SLC7A14: variants seen among roughly 807,000 people sequenced by gnomAD.
SLC7A14 encodes gamma-aminobutyric acid transporter SLC7A14.
SLC7A14 carries 37 observed loss-of-function variants against 60.2 expected under a neutral mutation model. The observed-to-expected ratio is 0.61, with a 90% CI of 0.47 to 0.81. The LOEUF (loss-of-function observed/expected upper bound fraction) is 0.81. SLC7A14 is among the 30% of genes least tolerant of loss of function. The pLI, the probability that SLC7A14 is intolerant of heterozygous loss-of-function variation, is 0.00. For synonymous variants in SLC7A14, 399 were observed against 395.8 expected (o/e 1.01, Z -0.10); for missense variants, 886 against 982.7 (o/e 0.90, Z 1.32).
chr3:170,526,657 C>T lies in SLC7A14; in HGVS notation c.280G>A (p.Ala94Thr), dbSNP rs1713513530. ...CCTGATAATATGGATGCGACGGCTGCAATGATGAAGGACACAATGACACCA... is the reference window on the plus strand; with the variant it reads ...CCTGATAATATGGATGCGACGGCTGTAATGATGAAGGACACAATGACACCA... ...GPGVIVSFIIAAVASILSGVC... is the reference protein window; with the variant it reads ...GPGVIVSFIITAVASILSGVC... Residue 94 changes from alanine (A) to threonine (T), a missense_variant, in exon 2 of 8, where the codon GCA (alanine) becomes ACA (threonine). Coordinates refer to ENST00000231706, the MANE Select transcript of SLC7A14 (RefSeq NM_020949.3). 1.2e-6 allele frequency: 2 copies of T among 1,614,054 alleles called. No individual in the cohort carries two copies. The highest frequency in any genetic ancestry group is 1.7e-6 in the Non-Finnish European group (2 of 1,180,032).
chr3:170,555,167 C>CAAA lies in SLC7A14; in HGVS notation c.-152-28082_-152-28080dup, dbSNP rs201341261. ...TGGGCAACAGAGCAAGACTTTGTCT[C>CAAA]AAAAAAAATATATATATATATAATA... On this transcript the variant is annotated intron_variant, in intron 1 of 7. Coordinates refer to ENST00000231706, the MANE Select transcript of SLC7A14 (RefSeq NM_020949.3). 7.1e-3 allele frequency among the ~76,000 whole-genome samples: 1,056 copies of CAAA among 147,874 alleles called. 18 individuals carry two copies. The highest frequency in any genetic ancestry group is 0.025 in the African/African-American group (994 of 40,034).
chr3:170,499,758 C>G (rs1480556346), intron 3 of SLC7A14, among the ~76,000 whole-genome samples: 6 of 152,170 alleles, frequency 3.9e-5, no homozygotes, highest in African/African-American at 1.4e-4. Flanking sequence ...CTCCTGCCCT[C>G]TATAGAGTGG....
At chr3:170,505,845 G>A (rs1712763946) in intron 2 of SLC7A14, among the ~76,000 whole-genome samples, 1 of 151,520 alleles carries the variant, frequency 6.6e-6, no homozygotes, top group South Asian at 2.1e-4. Context: ...GTGAGATTAT[G>A]CCACTGCACT....
chr3:170,481,159 C>T lies in SLC7A14; in HGVS notation c.1123G>A (p.Ala375Thr), dbSNP rs1560251823. 1.2e-6 allele frequency: 2 copies of T among 1,612,618 alleles called. No homozygotes were observed. Among genetic ancestry groups the T allele is most frequent in the East Asian group, 2.2e-5 (1 of 44,844 alleles). ...GTCTCTGTGTAGGAGCTGACGTGAG[C>T]CAGGAACCTGGAGGGGCCGGGCAAG... The part of the protein sequence containing the change: ...AGDGLLFRFL[A>T]HVSSYTETPV... Residue 375 changes from alanine to threonine, a missense_variant, in exon 7 of 8, where the codon GCT becomes ACT. By Grantham distance (58) the Ala-to-Thr change is moderately conservative. Coordinates refer to ENST00000231706, the MANE Select transcript of SLC7A14 (RefSeq NM_020949.3).
chr3:170,461,358 G>A lies in SLC7A14; in HGVS notation c.*5697C>T, dbSNP rs1739600490. ...CTATTTTCTTAGAGAAGTAATTTTG[G>A]CAAAAGGCGACTGCCTAGCTGTTTC... On this transcript the variant is annotated 3_prime_UTR_variant, in exon 8 of 8. Coordinates refer to ENST00000231706, the MANE Select transcript of SLC7A14 (RefSeq NM_020949.3). 1 of 152,150 alleles carries A rather than the reference G, an allele frequency of 6.6e-6. No individual in the cohort carries two copies. Among genetic ancestry groups the A allele is most frequent in the Non-Finnish European group, 1.5e-5 (1 of 68,024 alleles). The allele number at this position is 152,150 out of a possible 1,614,324, so 9.4% of individuals were successfully genotyped here.
intron 1 of SLC7A14, among the ~76,000 whole-genome samples, chr3:170,566,158 C>G (rs1577567349): frequency 6.6e-6 from 1 of 152,292 alleles, no homozygotes; most frequent in Non-Finnish European, 1.5e-5. Flanking sequence ...GCTGAAACCA[C>G]TGCCCAGCTC....
chr3:170,474,634 T>C (rs1307768466), intron 7 of SLC7A14, among the ~76,000 whole-genome samples: 1 of 152,216 alleles, frequency 6.6e-6, no homozygotes, highest in Non-Finnish European at 1.5e-5. Flanking sequence ...CAGGTCCCAA[T>C]TCATTGCTCT....
At chr3:170,472,560 T>C (rs1297599848) in intron 7 of SLC7A14, among the ~76,000 whole-genome samples, 1 of 151,812 alleles carries the variant, frequency 6.6e-6, no homozygotes, top group African/African-American at 2.4e-5. Context: ...GGTCAGGAGA[T>C]CGAGACCATC....
chr3:170,501,247 T>C lies in SLC7A14; in HGVS notation c.403A>G (p.Ile135Val), dbSNP rs1318144923. The C allele has an allele frequency of 6.2e-7, 1 of 1,614,028 alleles. No individual in the cohort carries two copies. The highest frequency in any genetic ancestry group is 8.5e-7 in the Non-Finnish European group (1 of 1,180,032). Residue 135 changes from isoleucine to valine, a missense_variant, in exon 3 of 8, where the codon ATT (isoleucine) becomes GTT (valine). Coordinates refer to ENST00000231706, the MANE Select transcript of SLC7A14 (RefSeq NM_020949.3). ...VTVGEFVAFF[I>V]GWNLILEYLI... is the part of the protein sequence containing the mutation. ...TACTCCAGGATCAGGTTCCAGCCAA[T>C]GAAAAATGCCACAAATTCCCCAACA...
At chr3:170,521,072 T>C (rs1485532249) in intron 2 of SLC7A14, among the ~76,000 whole-genome samples, 2 of 152,302 alleles carry the variant, frequency 1.3e-5, no homozygotes, top group African/African-American at 4.8e-5. Context: ...TGGGGTCTGG[T>C]TGTGGCCTAC....
At chr3:170,557,883 A>G (rs1453112047) in intron 1 of SLC7A14, among the ~76,000 whole-genome samples, 1 of 152,210 alleles carries the variant, frequency 6.6e-6, no homozygotes, top group African/African-American at 2.4e-5. Flanking sequence ...TAGTTTAGTG[A>G]TCTTGAGCAA....
chr3:170,580,754 GAATA>G (rs1715212526), intron 1 of SLC7A14, among the ~76,000 whole-genome samples: 1 of 152,170 alleles, frequency 6.6e-6, no homozygotes, highest in Non-Finnish European at 1.5e-5. Flanking sequence ...ATGAATGAAT[GAATA>G]AATAAAGTGA....
intron 1 of SLC7A14, among the ~76,000 whole-genome samples, chr3:170,533,637 A>T (rs528995683): frequency 6.8e-6 from 1 of 147,422 alleles, no homozygotes; most frequent in South Asian, 2.1e-4. Context: ...GATGTTTTTG[A>T]TCCATCTGGC....
chr3:170,552,598 A>G (rs2108305880), intron 1 of SLC7A14, among the ~76,000 whole-genome samples: 1 of 152,332 alleles, frequency 6.6e-6, no homozygotes, highest in South Asian at 2.1e-4. Context: ...TAACATTATT[A>G]GCCTCTGACA....
chr3:170,500,863 T>C (rs1712585125), intron 3 of SLC7A14, among the ~76,000 whole-genome samples: 1 of 152,244 alleles, frequency 6.6e-6, no homozygotes, highest in South Asian at 2.1e-4. Context: ...ATTTAGGCTG[T>C]CTCTAACTTT....
chr3:170,501,427 A>G, intron 2 of SLC7A14, 82 bp from the exon 3 acceptor site: 2 of 1,144,740 alleles, frequency 1.7e-6, no homozygotes, highest in Middle Eastern at 2.4e-4. Flanking sequence ...GGTGGAACAT[A>G]CTGAGACTTT....
intron 2 of SLC7A14, among the ~76,000 whole-genome samples, chr3:170,518,485 T>A (rs1329922254): frequency 1.3e-5 from 2 of 152,168 alleles, no homozygotes; most frequent in East Asian, 3.9e-4. Flanking sequence ...TAGGACTTCA[T>A]ATCTCCTGTA....
chr3:170,531,558 T>C (rs962192183), intron 1 of SLC7A14, among the ~76,000 whole-genome samples: 2 of 152,202 alleles, frequency 1.3e-5, no homozygotes, highest in Admixed American at 6.5e-5. Context: ...GCTTGCTTTA[T>C]TGATGCAAAC....
chr3:170,584,658 G>C (rs553368996), intron 1 of SLC7A14, among the ~76,000 whole-genome samples: 3 of 152,158 alleles, frequency 2.0e-5, no homozygotes, highest in Non-Finnish European at 4.4e-5. Context: ...GTTTCTGCTC[G>C]CAGGGAATGT....
Sources: allele counts gnomAD v4.1 joint callset (sites outside exome capture counted in the v4.1 genomes callset), GRCh38; gene constraint gnomAD v4.1.1; transcripts MANE v1.5; gene names NCBI Gene and HGNC (gene_info 2026-07-23, HGNC 2026-07-21).